Variants in OTC observed in about 807,000 individuals in gnomAD.
The protein encoded by OTC is ornithine transcarbamylase, also known as ornithine transcarbamylase, mitochondrial.
Under a neutral mutation model 30.3 loss-of-function variants are expected in OTC, and 3 were observed. The ratio of observed to expected loss-of-function variants is 0.10; its 90% CI spans 0.05 to 0.26. The LOEUF is 0.26. Among genes scored for constraint, OTC ranks in the 10% least tolerant of loss-of-function variants. The probability of loss-of-function intolerance (pLI) is 1.00; values close to 1 mark genes in which losing one functional copy is unlikely to be tolerated. For missense variants in OTC, 194 were observed against 260.3 expected (o/e 0.75, Z 1.75); for synonymous variants, 111 against 99.7 (o/e 1.11, Z -0.67).
chrX:38,347,502 T>G, the OTC span, among the ~76,000 whole-genome samples: 123 of 112,296 alleles, frequency 1.1e-3, no homozygotes, highest in African/African-American at 3.9e-3. Flanking sequence ...AACTAGTGTG[T>G]ACTGCATGCA....
intron 4 of OTC, among the ~76,000 whole-genome samples, chrX:38,399,938 C>T (rs1265773486): frequency 1.8e-5 from 2 of 111,199 alleles, no homozygotes; most frequent in Non-Finnish European, 3.8e-5. Context: ...TCTCTATCCC[C>T]ACTGACCCTG....
intron 1 of OTC, 117 bp from the exon 2 acceptor site, chrX:38,367,174 C>CAAAA (rs755821521): frequency 6.0e-6 from 3 of 498,115 alleles, no homozygotes; most frequent in Non-Finnish European, 3.1e-6. Context: ...GAACCTGTCT[C>CAAAA]AAAAAAAAAA....
intron 4 of OTC, chrX:38,395,301 C>A (rs778600983): frequency 8.9e-6 from 1 of 112,569 alleles, no homozygotes; most frequent in Non-Finnish European, 1.9e-5. Context: ...GAGCAGCAGA[C>A]TTTACTGGTC....
intron 1 of OTC, among the ~76,000 whole-genome samples, chrX:38,359,641 G>A (rs957161699): frequency 9.1e-6 from 1 of 110,226 alleles, no homozygotes; most frequent in African/African-American, 3.3e-5. Context: ...GGCTGGTCTC[G>A]AACTCCTGAC....
At chrX:38,399,897 G>A (rs1274745150) in intron 4 of OTC, among the ~76,000 whole-genome samples, 2 of 111,038 alleles carry the variant, frequency 1.8e-5, no homozygotes, top group Non-Finnish European at 3.8e-5. Context: ...AATATAGCGC[G>A]CTTAGATAGT....
rs756163675 is a variant in OTC, at chrX:38,380,927, C to G, written c.299-415C>G. Among the ~76,000 whole-genome samples, 4 of 111,429 alleles carry G rather than the reference C, an allele frequency of 3.6e-5. No individual in the cohort carries two copies. In the South Asian group the frequency reaches 1.1e-3, roughly 32 times the overall value. On this transcript the variant is annotated intron_variant, in intron 3 of 9. Transcript: ENST00000039007. ...TATTTTTAGTAGAGACAGGGTTTTGCCATGTTGGCCAGGCTGGTCTTGAAC... is the reference window on the plus strand; with the variant it reads ...TATTTTTAGTAGAGACAGGGTTTTGGCATGTTGGCCAGGCTGGTCTTGAAC...
chrX:38,383,112 T>C (rs1004182946), intron 4 of OTC, among the ~76,000 whole-genome samples: 2 of 111,050 alleles, frequency 1.8e-5, no homozygotes, highest in African/African-American at 6.5e-5. Flanking sequence ...TTGTTACAAG[T>C]TCCAAAATGA....
chrX:38,381,528 T>G, intron 4 of OTC, 99 bp downstream of exon 4: 1 of 611,461 alleles, frequency 1.6e-6, no homozygotes, highest in Non-Finnish European at 2.7e-6. Flanking sequence ...GTTTTCCCTC[T>G]AATTGTTCTG....
the OTC span, among the ~76,000 whole-genome samples, chrX:38,333,590 G>A: frequency 8.9e-6 from 1 of 112,246 alleles, no homozygotes; most frequent in Non-Finnish European, 1.9e-5. Flanking sequence ...ACAAGTCTTA[G>A]CAGTTGCCTC....
chrX:38,379,380 C>A (rs989463648), intron 3 of OTC, among the ~76,000 whole-genome samples: 20 of 111,128 alleles, frequency 1.8e-4, no homozygotes, highest in African/African-American at 6.5e-4. Context: ...CTATAAAATT[C>A]TTGTAATATC....
chrX:38,364,306 G>A (rs55882535), intron 1 of OTC, among the ~76,000 whole-genome samples: 4,132 of 111,513 alleles, frequency 0.037, 192 homozygotes, highest in African/African-American at 0.13. Flanking sequence ...TTAGAGGTAC[G>A]TAATAAAAAG....
At chrX:38,365,976 T>C (rs17312839) in intron 1 of OTC, among the ~76,000 whole-genome samples, 26,150 of 111,477 alleles carry the variant, frequency 0.23, 2,497 homozygotes, top group Middle Eastern at 0.3. Context: ...TAATTGTCTG[T>C]ATCAAAGACT....
chrX:38,381,533 G>A (rs772299266), intron 4 of OTC, 104 bp downstream of exon 4: 55 of 587,301 alleles, frequency 9.4e-5, no homozygotes, highest in Non-Finnish European at 1.4e-4. Context: ...CCCTCTAATT[G>A]TTCTGTTCTC....
chrX:38,331,593 T>C, the OTC span, among the ~76,000 whole-genome samples: 5 of 107,343 alleles, frequency 4.7e-5, no homozygotes, highest in East Asian at 8.7e-4. Flanking sequence ...CTATATACTA[T>C]TTTTTTTGAG....
chrX:38,413,721 G>A (rs1478641278), intron 9 of OTC, among the ~76,000 whole-genome samples: 1 of 107,492 alleles, frequency 9.3e-6, no homozygotes, highest in Admixed American at 1.0e-4. Context: ...CCAGGCTGGA[G>A]TGCAGTGGTG....
chrX:38,400,731 G>A (rs1185431290), intron 4 of OTC, among the ~76,000 whole-genome samples: 1 of 112,459 alleles, frequency 8.9e-6, no homozygotes, highest in Non-Finnish European at 1.9e-5. Flanking sequence ...AGCCTGGGGA[G>A]GGTGGCCTTG....
chrX:38,351,342 T>C (rs947326038), upstream of OTC, among the ~76,000 whole-genome samples: 13 of 111,952 alleles, frequency 1.2e-4, no homozygotes, highest in Non-Finnish European at 1.7e-4. Flanking sequence ...TAAAGTCATA[T>C]AAATTGACCA....
intron 3 of OTC, among the ~76,000 whole-genome samples, chrX:38,379,683 G>A (rs1307040799): frequency 1.9e-4 from 21 of 110,050 alleles, no homozygotes; most frequent in African/African-American, 7.0e-4. Flanking sequence ...CACCCAGGGT[G>A]GAGTGCAGTG....
upstream of OTC, among the ~76,000 whole-genome samples, chrX:38,349,226 A>G (rs745608466): frequency 8.9e-6 from 1 of 112,020 alleles, no homozygotes; most frequent in African/African-American, 3.2e-5. Flanking sequence ...GGTGGCTAAT[A>G]CAGGGTAGAT....
Sources: allele counts gnomAD v4.1 joint callset (sites outside exome capture counted in the v4.1 genomes callset), GRCh38; gene constraint gnomAD v4.1.1; transcripts MANE v1.5; gene names NCBI Gene and HGNC (gene_info 2026-07-23, HGNC 2026-07-21).